The following FMO1 variants were observed in gnomAD, a reference collection of about 807,000 sequenced individuals.
The protein encoded by FMO1 is flavin containing dimethylaniline monoxygenase 1, also known as flavin-containing monooxygenase 1.
A neutral mutation model predicts 45.4 loss-of-function variants in FMO1; 36 were observed. The ratio of observed to expected loss-of-function variants is 0.79; its 90% confidence interval spans 0.61 to 1.05. The LOEUF is 1.05. FMO1 is among the 50% of genes least tolerant of loss of function. FMO1 has a pLI of 0.00. For missense variants in FMO1, 615 were observed against 640.3 expected, an observed-to-expected ratio of 0.96 and a Z score of 0.43; for synonymous variants, 228 against 227.2, an observed-to-expected ratio of 1.00 and a Z score of -0.03.
chr1:171,285,153 T>G (rs764837951), intron 8 of FMO1, 49 bp from the exon 9 acceptor site: 3 of 1,247,296 alleles, frequency 2.4e-6, no homozygotes, highest in Non-Finnish European at 3.4e-6. Context: ...GTTCTAAGAT[T>G]ATCAGTTTTT....
Position 171,258,205 on chromosome 1 carries a change from C to T in FMO1, c.118C>T (p.Leu40=). The change falls in exon 2 of 9, where the codon CTG becomes TTG. Residue 40 remains leucine, a synonymous_variant. Coordinates refer to ENST00000617670, the MANE Select transcript of FMO1 (RefSeq NM_001282693.2). Reference sequence around the variant, plus strand: ...TGAGAGGAGCGATGACCTTGGGGGGCTGTGGAGATTCACCGTAAGTGGGGT... The same window carrying T: ...TGAGAGGAGCGATGACCTTGGGGGGTTGTGGAGATTCACCGTAAGTGGGGT... The part of the protein sequence containing the change: ...CFERSDDLGG[L]WRFTEHVEEG... 8 of 1,614,092 alleles carry T rather than the reference C, an allele frequency of 5.0e-6. No individual in the cohort carries two copies. Among genetic ancestry groups the T allele is most frequent in the Non-Finnish European group, 6.8e-6 (8 of 1,180,004 alleles).
At chr1:171,263,024 G>A (rs900470166) in intron 2 of FMO1, among the ~76,000 whole-genome samples, 1 of 152,122 alleles carries the variant, frequency 6.6e-6, no homozygotes, top group African/African-American at 2.4e-5. Context: ...CTCTATTTAG[G>A]GGTGAATTTT....
At chr1:171,281,546 A>T (rs1661359565) in intron 6 of FMO1, among the ~76,000 whole-genome samples, 1 of 152,136 alleles carries the variant, frequency 6.6e-6, no homozygotes. Flanking sequence ...AGAAAAAGAC[A>T]ATTCTGCCCT....
intron 7 of FMO1, 83 bp from the exon 8 acceptor site, chr1:171,283,061 C>A: frequency 1.3e-6 from 1 of 760,230 alleles, no homozygotes; most frequent in South Asian, 1.6e-5. Flanking sequence ...GAAAGGAGAG[C>A]CATAGTAAAG....
Position 171,282,243 on chromosome 1 carries a change from A to G in FMO1, c.1093A>G (p.Thr365Ala). ...CTTCCCTGCACATCTGCAAAAGCCA[A>G]CCCTGGCCATTATTGGCCTCATCAA... The part of the protein sequence containing the change: ...YIFPAHLQKP[T>A]LAIIGLIKPL... The change falls in exon 7 of 9, where the codon ACC becomes GCC. Residue 365 changes from threonine to alanine, a missense_variant. Transcript: ENST00000617670. 1 of 1,613,924 alleles carries G rather than the reference A, an allele frequency of 6.2e-7. No individual in the cohort carries two copies. Among genetic ancestry groups the G allele is most frequent in the South Asian group, 1.1e-5 (1 of 91,066 alleles).
intron 1 of FMO1, among the ~76,000 whole-genome samples, chr1:171,249,527 C>T (rs1659785449): frequency 6.6e-6 from 1 of 152,236 alleles, no homozygotes; most frequent in Admixed American, 6.5e-5. Context: ...TCCTTTGTTC[C>T]CAGGGGCTAA....
chr1:171,276,626 GC>G (rs1343282528), intron 4 of FMO1, among the ~76,000 whole-genome samples: 1 of 152,144 alleles, frequency 6.6e-6, no homozygotes, highest in Non-Finnish European at 1.5e-5. Flanking sequence ...ACAGTATATT[GC>G]ACTAGGTGCT....
chr1:171,282,485 T>C (rs1259980735), intron 7 of FMO1, 152 bp downstream of exon 7: 1 of 582,562 alleles, frequency 1.7e-6, no homozygotes, highest in African/African-American at 1.9e-5. Context: ...AATTATACTG[T>C]CATAATGATT....
rs1214099960 is a variant in FMO1, at chr1:171,285,620, C to T, written c.*76C>T. 3.2e-6 allele frequency: 3 copies of T among 931,616 alleles called. No individual in the cohort carries two copies. The highest frequency in any genetic ancestry group is 5.2e-5 in the East Asian group (2 of 38,676). The allele number at this position is 931,616 out of a possible 1,614,324, so 57.7% of individuals were successfully genotyped here. A position where few individuals can be genotyped will look rare whatever the true frequency, so the allele number is the denominator to read the frequency against. ...AATTCCTCTCTTACAGCAATATTGCCTTCACAGTTATAAACTGTATTCAAA... is the reference window on the plus strand; with the variant it reads ...AATTCCTCTCTTACAGCAATATTGCTTTCACAGTTATAAACTGTATTCAAA... On this transcript the variant is annotated 3_prime_UTR_variant, in exon 9 of 9. Coordinates refer to ENST00000617670, the MANE Select transcript of FMO1 (RefSeq NM_001282693.2).
chr1:171,258,228 G>C lies in FMO1; in HGVS notation c.132+9G>C, dbSNP rs759266668. 4 of 1,613,636 alleles carry C rather than the reference G, an allele frequency of 2.5e-6. No individual in the cohort carries two copies. The highest frequency in any genetic ancestry group is 3.4e-6 in the Non-Finnish European group (4 of 1,179,780). On this transcript the variant is annotated intron_variant, in intron 2 of 8. Transcript: ENST00000617670. Reference sequence around the variant, plus strand: ...GGCTGTGGAGATTCACCGTAAGTGGGGTTTCAACAACTTTATCTGTCTATT... The same window carrying C: ...GGCTGTGGAGATTCACCGTAAGTGGCGTTTCAACAACTTTATCTGTCTATT...
intron 2 of FMO1, among the ~76,000 whole-genome samples, chr1:171,264,895 T>G (rs758396993): frequency 6.6e-6 from 1 of 150,690 alleles, no homozygotes; most frequent in East Asian, 2.0e-4. Flanking sequence ...CGAGACTCCA[T>G]CTCAAAAAAA....
At chr1:171,254,015 G>C (rs974238758) in intron 1 of FMO1, 1 of 152,138 alleles carries the variant, frequency 6.6e-6, no homozygotes, top group South Asian at 2.1e-4. Flanking sequence ...ACTACCTTTG[G>C]ACTAGCCAAT....
chr1:171,253,683 C>A (rs923411231), intron 1 of FMO1, among the ~76,000 whole-genome samples: 1 of 151,964 alleles, frequency 6.6e-6, no homozygotes, highest in African/African-American at 2.4e-5. Flanking sequence ...ATCGCTCGAA[C>A]CCAGGAGGCG....
At chr1:171,259,270 A>G (rs1214248743) in intron 2 of FMO1, among the ~76,000 whole-genome samples, 2 of 152,250 alleles carry the variant, frequency 1.3e-5, no homozygotes, top group Non-Finnish European at 2.9e-5. Flanking sequence ...TAGTTTAGTC[A>G]CAGTCCTCCA....
chr1:171,275,551 GC>G, intron 4 of FMO1, 43 bp downstream of exon 4: 7 of 1,457,186 alleles, frequency 4.8e-6, no homozygotes, highest in Non-Finnish European at 6.7e-6. Flanking sequence ...TCTCGTGGGA[GC>G]CATTCTGATG....
Position 171,271,241 on chromosome 1 carries a change from G to T in FMO1, c.321+3510G>T. 5.9e-6 allele frequency: 6 copies of T among 1,015,036 alleles called. No homozygotes were observed. In the Admixed American group the frequency reaches 9.9e-5, roughly 17 times the overall value. The allele number at this position is 1,015,036 out of a possible 1,614,324, so 62.9% of individuals were successfully genotyped here. On this transcript the variant is annotated intron_variant, in intron 3 of 8. Coordinates refer to ENST00000617670, the MANE Select transcript of FMO1 (RefSeq NM_001282693.2). ...ACATCACTAATGGGCAGGCCAAGTT[G>T]TTCTCCTTTAATTTTTGGGTGATAC...
intron 1 of FMO1, among the ~76,000 whole-genome samples, chr1:171,253,574 C>T (rs1050877051): frequency 7.2e-5 from 11 of 152,072 alleles, no homozygotes; most frequent in Non-Finnish European, 1.3e-4. Context: ...CCAGCCTAAC[C>T]GACATGGAGA....
intron 1 of FMO1, among the ~76,000 whole-genome samples, chr1:171,250,483 T>C (rs1659836456): frequency 6.6e-6 from 1 of 152,228 alleles, no homozygotes; most frequent in Admixed American, 6.5e-5. Context: ...AGGCGTCACC[T>C]CATGTTTTGA....
At chr1:171,274,279 G>A (rs1296488229) in intron 3 of FMO1, among the ~76,000 whole-genome samples, 1 of 99,596 alleles carries the variant, frequency 1.0e-5, no homozygotes, top group African/African-American at 3.9e-5. Flanking sequence ...TTTTTTTTTT[G>A]AGACAAGGTC....
Sources: allele counts gnomAD v4.1 joint callset (sites outside exome capture counted in the v4.1 genomes callset), GRCh38; gene constraint gnomAD v4.1.1; transcripts MANE v1.5; gene names NCBI Gene and HGNC (gene_info 2026-07-23, HGNC 2026-07-21).